The following RSRC1 variants were observed in gnomAD, a reference collection of about 807,000 sequenced individuals.
The protein encoded by RSRC1 is arginine and serine rich coiled-coil 1.
Under a neutral mutation model 49.1 loss-of-function variants are expected in RSRC1, and 39 were observed. The ratio of observed to expected loss-of-function variants is 0.79; its 90% confidence interval spans 0.61 to 1.04. The LOEUF is 1.04. RSRC1 is among the 50% of genes least tolerant of loss of function. RSRC1 has a pLI of 0.00. For missense variants in RSRC1, 388 were observed against 402.4 expected, an observed-to-expected ratio of 0.96 and a Z score of 0.31; for synonymous variants, 143 against 130.8, an observed-to-expected ratio of 1.09 and a Z score of -0.63.
intron 5 of RSRC1, among the ~76,000 whole-genome samples, chr3:158,307,491 G>A (rs957517118): frequency 1.3e-5 from 2 of 151,878 alleles, no homozygotes; most frequent in African/African-American, 4.8e-5. Context: ...CATAAACAAT[G>A]TGTATAAATA....
intron 7 of RSRC1, among the ~76,000 whole-genome samples, chr3:158,499,503 C>A (rs1345503909): frequency 6.6e-6 from 1 of 152,046 alleles, no homozygotes; most frequent in Non-Finnish European, 1.5e-5. Flanking sequence ...TTGATTCCAC[C>A]CATCCATGGT....
intron 5 of RSRC1, among the ~76,000 whole-genome samples, chr3:158,341,986 C>T (rs896369013): frequency 6.6e-6 from 1 of 152,182 alleles, no homozygotes; most frequent in African/African-American, 2.4e-5. Flanking sequence ...GGCCCTGTAA[C>T]CCCTTTCTTT....
intron 3 of RSRC1, among the ~76,000 whole-genome samples, chr3:158,200,968 C>T (rs1721011370): frequency 6.6e-6 from 1 of 152,144 alleles, no homozygotes; most frequent in East Asian, 1.9e-4. Context: ...TCCTAAAGAG[C>T]CATGCTTTCA....
At chr3:158,143,350 A>G (rs1559916767) in intron 3 of RSRC1, among the ~76,000 whole-genome samples, 1 of 152,212 alleles carries the variant, frequency 6.6e-6, no homozygotes, top group African/African-American at 2.4e-5. Flanking sequence ...AGGGAATGGT[A>G]CTATCTGAAA....
intron 5 of RSRC1, among the ~76,000 whole-genome samples, chr3:158,311,236 A>G (rs1728103753): frequency 6.6e-6 from 1 of 151,902 alleles, no homozygotes; most frequent in African/African-American, 2.4e-5. Flanking sequence ...TTAAACTATG[A>G]ATTCCTTACG....
intron 7 of RSRC1, among the ~76,000 whole-genome samples, chr3:158,503,578 TG>T (rs1739711485): frequency 6.6e-6 from 1 of 152,064 alleles, no homozygotes; most frequent in African/African-American, 2.4e-5. Context: ...CTGTTGGAGA[TG>T]GGGGTGAAGT....
At chr3:158,254,105 T>C (rs1011050945) in intron 4 of RSRC1, among the ~76,000 whole-genome samples, 2 of 152,202 alleles carry the variant, frequency 1.3e-5, no homozygotes, top group Non-Finnish European at 2.9e-5. Flanking sequence ...TCATCCTTTT[T>C]TATGGCTGCA....
intron 4 of RSRC1, among the ~76,000 whole-genome samples, chr3:158,287,112 C>T (rs1243629808): frequency 6.6e-6 from 1 of 152,212 alleles, no homozygotes; most frequent in Non-Finnish European, 1.5e-5. Flanking sequence ...AGGCGTGAGT[C>T]ACTGCGCCTA....
chr3:158,291,047 A>G (rs1578297010), intron 4 of RSRC1, among the ~76,000 whole-genome samples: 1 of 152,178 alleles, frequency 6.6e-6, no homozygotes, highest in East Asian at 1.9e-4. Flanking sequence ...AAAATAAGAA[A>G]AAAATTAGCT....
At chr3:158,419,948 A>T (rs1273627678) in intron 6 of RSRC1, among the ~76,000 whole-genome samples, 1 of 151,814 alleles carries the variant, frequency 6.6e-6, no homozygotes, top group East Asian at 1.9e-4. Flanking sequence ...TCACTAACTC[A>T]AACACATACA....
At chr3:158,492,860 C>A (rs918222965) in intron 7 of RSRC1, among the ~76,000 whole-genome samples, 1 of 152,102 alleles carries the variant, frequency 6.6e-6, no homozygotes, top group Non-Finnish European at 1.5e-5. Flanking sequence ...ACTCCTCCCC[C>A]GCAACACACA....
chr3:158,484,459 A>G (rs1738740528), intron 7 of RSRC1, among the ~76,000 whole-genome samples: 1 of 152,102 alleles, frequency 6.6e-6, no homozygotes, highest in African/African-American at 2.4e-5. Flanking sequence ...GGCATATAGG[A>G]TGTTCAAAAC....
Position 158,337,654 on chromosome 3 carries a change from A to G in RSRC1, c.532-17203A>G, listed in dbSNP as rs183539817. On this transcript the variant is annotated intron_variant, in intron 5 of 9. Coordinates refer to ENST00000611884, the MANE Select transcript of RSRC1 (RefSeq NM_001271838.2). The stretch of plus-strand genomic sequence containing the variant: ...CATATTGTTAGCACTGAATCTGTCC[A>G]TGGGGGTCAATTTTGACCTAAACAA... 4.1e-3 allele frequency among the ~76,000 whole-genome samples: 630 copies of G among 152,172 alleles called. 6 individuals are homozygous for G. The highest frequency in any genetic ancestry group is 6.8e-3 in the Middle Eastern group (2 of 294).
At chr3:158,456,339 G>C (rs1289458556) in intron 6 of RSRC1, among the ~76,000 whole-genome samples, 1 of 149,816 alleles carries the variant, frequency 6.7e-6, no homozygotes, top group African/African-American at 2.5e-5. Flanking sequence ...GGCCAGCTGT[G>C]GAAACAGTAT....
intron 5 of RSRC1, among the ~76,000 whole-genome samples, chr3:158,301,463 A>G (rs1333663317): frequency 3.3e-5 from 5 of 152,090 alleles, no homozygotes; most frequent in Non-Finnish European, 5.9e-5. Flanking sequence ...ATTGTTAGTT[A>G]CTTCCCTTAT....
intron 6 of RSRC1, among the ~76,000 whole-genome samples, chr3:158,381,352 C>G (rs1732686529): frequency 1.3e-5 from 2 of 152,166 alleles, no homozygotes; most frequent in African/African-American, 4.8e-5. Flanking sequence ...GCTTCAAATG[C>G]CATGTGACAC....
At chr3:158,311,750 A>G (rs1425231310) in intron 5 of RSRC1, among the ~76,000 whole-genome samples, 1 of 152,140 alleles carries the variant, frequency 6.6e-6, no homozygotes, top group Non-Finnish European at 1.5e-5. Context: ...ATAAGGTAAT[A>G]GATATGTTAA....
At chr3:158,515,405 T>G (rs1309519186) in intron 7 of RSRC1, among the ~76,000 whole-genome samples, 1 of 128,862 alleles carries the variant, frequency 7.8e-6, no homozygotes, top group African/African-American at 3.2e-5. Flanking sequence ...ATTCTTTTCT[T>G]TAAGAATGTT....
intron 5 of RSRC1, among the ~76,000 whole-genome samples, chr3:158,309,604 A>G (rs957620334): frequency 1.9e-4 from 29 of 151,798 alleles, no homozygotes; most frequent in Admixed American, 1.6e-3. Context: ...TTAGAAGTAC[A>G]TTGCTAGATC....
Sources: gnomAD v4.1 joint callset for allele counts (sites outside exome capture counted in the v4.1 genomes callset) on GRCh38, gnomAD v4.1.1 for gene constraint, MANE v1.5 for transcripts, NCBI Gene and HGNC (gene_info 2026-07-23, HGNC 2026-07-21) for gene names.